Variants in PCDHGA1 observed in about 807,000 individuals in gnomAD.
PCDHGA1 encodes the protein protocadherin gamma subfamily A, 1.
A neutral mutation model predicts 58.0 loss-of-function variants in PCDHGA1; 32 were observed. The ratio of observed to expected loss-of-function variants is 0.55; its 90% CI spans 0.42 to 0.74. The LOEUF is 0.74. Ranked by LOEUF, PCDHGA1 falls within the 30% of genes least tolerant of loss-of-function variation. PCDHGA1 has a pLI of 0.00. For missense variants in PCDHGA1, 1,205 were observed against 1,182.3 expected, an observed-to-expected ratio of 1.02 and a Z score of -0.28; for synonymous variants, 498 against 501.1, an observed-to-expected ratio of 0.99 and a Z score of 0.08.
chr5:141,403,021 A>G (rs1367554344), intron 1 of PCDHGA1: 2 of 1,613,944 alleles, frequency 1.2e-6, no homozygotes, highest in African/African-American at 1.3e-5. Flanking sequence ...TGGGGATGCT[A>G]TGGGAGGCCA....
In PCDHGA1 at chr5:141,458,391, C is replaced by G. The variant is rs534396279; in HGVS notation, c.2422-36416C>G. 5.9e-5 allele frequency among the ~76,000 whole-genome samples: 9 copies of G among 152,126 alleles called. No homozygotes were observed. In the South Asian group the frequency reaches 1.0e-3, roughly 18 times the overall value. ...GGAGAAGAGAGAAGGAAGACGCTCCCCCTTGCAGAGACGGAGCGGGGGTTC... is the reference window on the plus strand; with the variant it reads ...GGAGAAGAGAGAAGGAAGACGCTCCGCCTTGCAGAGACGGAGCGGGGGTTC... On this transcript the variant is annotated intron_variant, in intron 1 of 3. Coordinates refer to ENST00000517417, the MANE Select transcript of PCDHGA1 (RefSeq NM_018912.3).
chr5:141,352,635 A>G (rs1269276084), intron 1 of PCDHGA1: 1 of 1,610,146 alleles, frequency 6.2e-7, no homozygotes, highest in South Asian at 1.1e-5. Context: ...AATGAAGATC[A>G]CAAAATCGCT....
chr5:141,351,929 C>A, intron 1 of PCDHGA1: 1 of 1,613,302 alleles, frequency 6.2e-7, no homozygotes, highest in Non-Finnish European at 8.5e-7. Flanking sequence ...CAATGCGCCA[C>A]GGGTGCTGTA....
intron 1 of PCDHGA1, chr5:141,366,233 A>G (rs1354193643): frequency 6.2e-7 from 1 of 1,613,674 alleles, no homozygotes; most frequent in Non-Finnish European, 8.5e-7. Flanking sequence ...CCTGCTGGAC[A>G]GAGACGCGCT....
chr5:141,475,989 A>G, intron 1 of PCDHGA1: 1 of 1,130,622 alleles, frequency 8.8e-7, no homozygotes, highest in Non-Finnish European at 1.3e-6. Flanking sequence ...CCGGCGAGCA[A>G]ATCAACGGCA....
At chr5:141,508,830 C>G (rs1320903059) in intron 3 of PCDHGA1, among the ~76,000 whole-genome samples, 2 of 152,150 alleles carry the variant, frequency 1.3e-5, no homozygotes, top group Non-Finnish European at 2.9e-5. Flanking sequence ...CTGGGCCCCC[C>G]TCCCCTACCC....
At chr5:141,365,423 G>C (rs182594355) in intron 1 of PCDHGA1, 2 of 1,614,018 alleles carry the variant, frequency 1.2e-6, no homozygotes, top group South Asian at 2.2e-5. Context: ...TCCCGGAACT[G>C]TAATCGCGCT....
chr5:141,462,668 T>C (rs778396861), intron 1 of PCDHGA1, among the ~76,000 whole-genome samples: 10 of 152,232 alleles, frequency 6.6e-5, no homozygotes, highest in Non-Finnish European at 1.5e-4. Flanking sequence ...CTTCATATTT[T>C]TCTTTAAATT....
rs1272166319 is a variant in PCDHGA1, at chr5:141,370,826, A to C, written c.2421+37721A>C. Reference sequence around the variant, plus strand: ...ATATCACTGAGCTGGAAATCAGCGAACTGGCTCTCACTGGAGCCACATTTG... The same window carrying C: ...ATATCACTGAGCTGGAAATCAGCGACCTGGCTCTCACTGGAGCCACATTTG... On this transcript the variant is annotated intron_variant, in intron 1 of 3. Coordinates refer to ENST00000517417, the MANE Select transcript of PCDHGA1 (RefSeq NM_018912.3). The C allele has an allele frequency of 1.1e-5, 18 of 1,613,884 alleles. No homozygotes were observed. The Admixed American group carries it at 3.0e-4, about 27-fold the overall frequency.
chr5:141,364,415 G>T (rs368621667), intron 1 of PCDHGA1: 47 of 1,612,964 alleles, frequency 2.9e-5, no homozygotes, highest in Admixed American at 1.2e-4. Flanking sequence ...GCCAGGATCC[G>T]GGCAGATCCG....
intron 1 of PCDHGA1, chr5:141,389,407 A>C: frequency 6.2e-7 from 1 of 1,613,616 alleles, no homozygotes; most frequent in Non-Finnish European, 8.5e-7. Flanking sequence ...ATAAGCGCGG[A>C]GAGCGGGGTG....
At position 141,487,571 on chromosome 5, in the gene PCDHGA1, G is replaced by A; in HGVS notation, c.2422-7236G>A. The A allele has an allele frequency of 4.3e-6, 7 of 1,614,178 alleles. No individual in the cohort carries two copies. The highest frequency in any genetic ancestry group is 5.9e-6 in the Non-Finnish European group (7 of 1,180,038). On this transcript the variant is annotated intron_variant, in intron 1 of 3. Coordinates refer to ENST00000517417, the MANE Select transcript of PCDHGA1 (RefSeq NM_018912.3). This position sits in a 1 kb window ranked among gnomAD's most constrained non-coding sequence, Gnocchi z 5.0. ...CAGTGCACCTATGGCAGGGGAGCCTGTTCGCCCAAGCTGCCCACCCTCTGA... is the reference window on the plus strand; with the variant it reads ...CAGTGCACCTATGGCAGGGGAGCCTATTCGCCCAAGCTGCCCACCCTCTGA...
chr5:141,432,766 C>G lies in PCDHGA1; in HGVS notation c.2422-62041C>G. On this transcript the variant is annotated intron_variant, in intron 1 of 3. Transcript: ENST00000517417. This position sits in a 1 kb window ranked among gnomAD's most constrained non-coding sequence, Gnocchi z 6.0. Reference sequence around the variant, plus strand: ...CCGTGGCCGTGGCCGACAGCATCCCCCAAGTCCTGGCGGACCTCGGCAGCC... The same window carrying G: ...CCGTGGCCGTGGCCGACAGCATCCCGCAAGTCCTGGCGGACCTCGGCAGCC... 6.2e-7 allele frequency: 1 copy of G among 1,614,160 alleles called. No individual in the cohort carries two copies. The highest frequency in any genetic ancestry group is 8.5e-7 in the Non-Finnish European group (1 of 1,179,994).
rs1372368815 is a variant in PCDHGA1 at position 141,491,370 on chromosome 5, C to T, written c.2422-3437C>T. 3 of 1,614,038 alleles carry T rather than the reference C, an allele frequency of 1.9e-6. No individual in the cohort carries two copies. The highest frequency in any genetic ancestry group is 2.2e-5 in the East Asian group (1 of 44,880). ...GTCTCTTATCCCTAGTCACCTTCAC[C>T]TTTCTGTCAGCGAAGTGCCTTCAGG... On this transcript the variant is annotated intron_variant, in intron 1 of 3. Transcript: ENST00000517417. The surrounding 1 kb of genome is among the most constrained non-coding windows in gnomAD (Gnocchi z 6.9).
At chr5:141,449,407 G>A (rs1367837385) in intron 1 of PCDHGA1, among the ~76,000 whole-genome samples, 2 of 151,754 alleles carry the variant, frequency 1.3e-5, no homozygotes, top group Non-Finnish European at 2.9e-5. Flanking sequence ...AGGAGTTCAA[G>A]ACCAGCCTGG....
chr5:141,430,707 C>T, intron 1 of PCDHGA1: 2 of 1,478,562 alleles, frequency 1.4e-6, no homozygotes, highest in Non-Finnish European at 9.0e-7. Flanking sequence ...GGAACTGCTC[C>T]TGACTTCAGT....
intron 1 of PCDHGA1, chr5:141,374,587 G>A: frequency 1.2e-6 from 2 of 1,613,722 alleles, no homozygotes; most frequent in Non-Finnish European, 1.7e-6. Context: ...ACTCCCTTCA[G>A]GGATTTAAGC....
chr5:141,382,839 T>A lies in PCDHGA1; in HGVS notation c.2421+49734T>A. 4 of 1,450,270 alleles carry A rather than the reference T, an allele frequency of 2.8e-6. No individual in the cohort carries two copies. In the South Asian group the frequency reaches 5.5e-5, roughly 20 times the overall value. 89.8% of individuals were successfully genotyped at this position (1,450,270 alleles called of 1,614,324 possible). A position where few individuals can be genotyped will look rare whatever the true frequency, so the allele number is the denominator to read the frequency against. On this transcript the variant is annotated intron_variant, in intron 1 of 3. Coordinates refer to ENST00000517417, the MANE Select transcript of PCDHGA1 (RefSeq NM_018912.3). ...CCTAAGACAGAGGGGTCCACCCGGA[T>A]ACACCCGCATTCTGAAGCACTTCCC...
chr5:141,419,618 C>T (rs746617593), intron 1 of PCDHGA1: 3 of 1,612,326 alleles, frequency 1.9e-6, no homozygotes, highest in South Asian at 1.1e-5. Flanking sequence ...GCCAGGCTAC[C>T]TGGTGACCAA....
Sources: gnomAD v4.1 joint callset for allele counts (sites outside exome capture counted in the v4.1 genomes callset) on GRCh38, gnomAD v4.1.1 for gene constraint, Gnocchi (gnomAD v3.1) non-coding constraint, MANE v1.5 for transcripts, NCBI Gene and HGNC (gene_info 2026-07-23, HGNC 2026-07-21) for gene names.